The following CADM2 variants were observed in gnomAD, a reference collection of about 807,000 sequenced individuals.
The protein encoded by CADM2 is immunoglobulin superfamily member 4D.
CADM2 carries 12 observed loss-of-function variants against 49.8 expected under a neutral mutation model. That is an observed-to-expected ratio of 0.24 (90% CI 0.15 to 0.39). The LOEUF is 0.39. Among genes scored for constraint, CADM2 ranks in the 10% least tolerant of loss-of-function variants. CADM2 has a pLI of 1.00. For synonymous variants in CADM2, 214 were observed against 175.4 expected, an observed-to-expected ratio of 1.22 and a Z score of -1.74; for missense variants, 378 against 492.3, an observed-to-expected ratio of 0.77 and a Z score of 2.20.
At chr3:85,161,843 C>A (rs909661001) in intron 1 of CADM2, among the ~76,000 whole-genome samples, 1 of 151,912 alleles carries the variant, frequency 6.6e-6, no homozygotes, top group African/African-American at 2.4e-5. Context: ...CATGGTGAAA[C>A]CCATCTCTAC....
rs775033766 is a variant in CADM2, at chr3:85,152,728, C to T, written c.61+193060C>T. Among the ~76,000 whole-genome samples, 39 of 151,960 alleles carry T rather than the reference C, an allele frequency of 2.6e-4. 1 individual carries two copies. The highest frequency in any genetic ancestry group is 8.7e-4 in the African/African-American group (36 of 41,366). On this transcript the variant is annotated intron_variant, in intron 1 of 9. Coordinates refer to ENST00000383699, the MANE Select transcript of CADM2 (RefSeq NM_001167675.2). ...ATCCCAGCACTTTGGGAGTCTGAGG[C>T]GGGTGGATCATGAGGTCAGGAGATC...
At chr3:85,097,123 A>G (rs1171026910) in intron 1 of CADM2, among the ~76,000 whole-genome samples, 3 of 152,086 alleles carry the variant, frequency 2.0e-5, no homozygotes, top group Admixed American at 2.0e-4. Flanking sequence ...AGCATTTGGT[A>G]TATATCCTAA....
intron 6 of CADM2, among the ~76,000 whole-genome samples, chr3:85,919,666 A>G (rs1718846499): frequency 6.6e-6 from 1 of 151,948 alleles, no homozygotes; most frequent in South Asian, 2.1e-4. Context: ...AACAACTTAC[A>G]TTTTTAAAAT....
chr3:85,406,042 T>C (rs1390971798), intron 1 of CADM2, among the ~76,000 whole-genome samples: 1 of 152,000 alleles, frequency 6.6e-6, no homozygotes, highest in African/African-American at 2.4e-5. Context: ...CAGGCCTTCA[T>C]AAGTAATTTA....
intron 3 of CADM2, among the ~76,000 whole-genome samples, chr3:85,868,501 A>G (rs150439597): frequency 6.5e-4 from 99 of 152,208 alleles, no homozygotes; most frequent in African/African-American, 2.4e-3. Flanking sequence ...TTAGGTAAAT[A>G]GGTAATATTT....
At chr3:86,028,181 C>A (rs1380103807) in intron 8 of CADM2, among the ~76,000 whole-genome samples, 1 of 150,312 alleles carries the variant, frequency 6.7e-6, no homozygotes, top group African/African-American at 2.5e-5. Context: ...TGCACGTGTA[C>A]CCTAGAACTT....
At chr3:85,685,243 G>C (rs540749717) in intron 1 of CADM2, among the ~76,000 whole-genome samples, 1 of 152,232 alleles carries the variant, frequency 6.6e-6, no homozygotes, top group South Asian at 2.1e-4. Flanking sequence ...TAAAAGATAG[G>C]GTAAGTGTGT....
intron 1 of CADM2, among the ~76,000 whole-genome samples, chr3:85,414,528 T>C (rs1292074730): frequency 1.3e-5 from 2 of 152,152 alleles, no homozygotes; most frequent in East Asian, 1.9e-4. Context: ...TCTCTCTCTT[T>C]CAACCAATAC....
At chr3:85,752,031 T>A (rs2107863175) in intron 2 of CADM2, among the ~76,000 whole-genome samples, 1 of 152,130 alleles carries the variant, frequency 6.6e-6, no homozygotes, top group African/African-American at 2.4e-5. Flanking sequence ...TAAATAGAAT[T>A]TAACAAAGAG....
intron 1 of CADM2, among the ~76,000 whole-genome samples, chr3:85,463,790 T>C (rs1184819710): frequency 6.6e-6 from 1 of 152,100 alleles, no homozygotes; most frequent in African/African-American, 2.4e-5. Flanking sequence ...GCTCATTTTC[T>C]GTTTTTCTCT....
rs2107474628 is a variant in CADM2 at position 86,074,198 on chromosome 3, C to A, written c.*7415C>A. 1 of 151,948 alleles carries A rather than the reference C, an allele frequency of 6.6e-6. No homozygotes were observed. The allele number at this position is 151,948 out of a possible 1,614,324, so 9.4% of individuals were successfully genotyped here. A position where few individuals can be genotyped will look rare whatever the true frequency, so the allele number is the denominator to read the frequency against. ...AAGATAATGCAATTAATCATATATC[C>A]AACCTAAGCTTCTGCCAATAAGGAT... On this transcript the variant is annotated 3_prime_UTR_variant, in exon 10 of 10. Transcript: ENST00000383699.
chr3:85,244,054 A>C (rs774435350), intron 1 of CADM2, among the ~76,000 whole-genome samples: 1 of 152,098 alleles, frequency 6.6e-6, no homozygotes, highest in Admixed American at 6.6e-5. Flanking sequence ...ATTTTAGAAT[A>C]TTTTCTACAC....
At chr3:86,019,017 C>T (rs1188136607) in intron 8 of CADM2, among the ~76,000 whole-genome samples, 6 of 111,562 alleles carry the variant, frequency 5.4e-5, no homozygotes, top group South Asian at 3.3e-4. Context: ...TTAGGTCTAA[C>T]GTTTAAGTCT....
intron 1 of CADM2, among the ~76,000 whole-genome samples, chr3:85,389,807 A>T (rs2034432015): frequency 6.6e-6 from 1 of 152,138 alleles, no homozygotes; most frequent in South Asian, 2.1e-4. Flanking sequence ...AAGGCCAGGT[A>T]TGCAGCACTG....
At chr3:85,504,995 C>T (rs973034106) in intron 1 of CADM2, among the ~76,000 whole-genome samples, 15 of 152,106 alleles carry the variant, frequency 9.9e-5, no homozygotes, top group Non-Finnish European at 1.5e-5. Context: ...AGCCCACGCC[C>T]ACCCGGAACT....
At chr3:85,317,002 T>G (rs2044481105) in intron 1 of CADM2, among the ~76,000 whole-genome samples, 2 of 151,928 alleles carry the variant, frequency 1.3e-5, no homozygotes, top group South Asian at 2.1e-4. Context: ...TTTGAGCCAG[T>G]GTAAAATGGG....
At chr3:85,089,666 A>G (rs1034340441) in intron 1 of CADM2, among the ~76,000 whole-genome samples, 1 of 152,202 alleles carries the variant, frequency 6.6e-6, no homozygotes, top group African/African-American at 2.4e-5. Flanking sequence ...TAACTGGAAC[A>G]TTTTTTGTCT....
intron 1 of CADM2, among the ~76,000 whole-genome samples, chr3:85,178,948 T>A (rs896961295): frequency 6.6e-6 from 1 of 151,920 alleles, no homozygotes; most frequent in Non-Finnish European, 1.5e-5. Context: ...AAAATAAAAC[T>A]TAAAATTATA....
intron 1 of CADM2, among the ~76,000 whole-genome samples, chr3:85,605,266 A>G (rs1164771807): frequency 1.3e-5 from 2 of 152,096 alleles, no homozygotes; most frequent in Admixed American, 1.3e-4. Context: ...CAAAACTCAG[A>G]AAGGCAAATT....
Sources: allele counts gnomAD v4.1 joint callset (sites outside exome capture counted in the v4.1 genomes callset), GRCh38; gene constraint gnomAD v4.1.1; transcripts MANE v1.5; gene names NCBI Gene and HGNC (gene_info 2026-07-23, HGNC 2026-07-21).